Variants in LARGE1 observed in about 807,000 individuals in gnomAD.
LARGE1 encodes xylosyl- and glucuronyltransferase LARGE1.
Under a neutral mutation model 87.6 loss-of-function variants are expected in LARGE1, and 43 were observed. The observed-to-expected ratio is 0.49, with a 90% confidence interval of 0.38 to 0.63. The LOEUF (loss-of-function observed/expected upper bound fraction) is 0.63, where lower values mean the gene tolerates loss of function less well. Ranked by LOEUF, LARGE1 falls within the 30% of genes least tolerant of loss-of-function variation. The pLI is 0.00. For missense variants in LARGE1, 802 were observed against 1,000.2 expected (o/e 0.80, Z 2.67); for synonymous variants, 434 against 394.6 (o/e 1.10, Z -1.18).
chr22:33,621,249 T>C (rs2079741461), intron 4 of LARGE1, among the ~76,000 whole-genome samples: 1 of 152,124 alleles, frequency 6.6e-6, no homozygotes, highest in Non-Finnish European at 1.5e-5. Context: ...TTATAAAAGG[T>C]TTTTCTATTG....
At chr22:33,700,144 A>C (rs2082364133) in intron 2 of LARGE1, among the ~76,000 whole-genome samples, 1 of 152,144 alleles carries the variant, frequency 6.6e-6, no homozygotes. Flanking sequence ...AGTGGTTCTC[A>C]AAGGGTTGTC....
intron 1 of LARGE1, among the ~76,000 whole-genome samples, chr22:33,861,372 C>G (rs1178399817): frequency 6.6e-6 from 1 of 151,998 alleles, no homozygotes; most frequent in Non-Finnish European, 1.5e-5. Context: ...TCCTCACTCC[C>G]ACTCCTCACC....
chr22:33,680,194 A>T lies in LARGE1; in HGVS notation c.107-29526T>A, dbSNP rs2081716265. Among the ~76,000 whole-genome samples the T allele has an allele frequency of 3.3e-5, 5 of 152,294 alleles. 1 individual carries two copies. The South Asian group carries it at 1.0e-3, about 32-fold the overall frequency. ...CTGATGAAGGGCCCTAAGTAATGGC[A>T]GTAAGTGGAGAAGTAAGCGAGATGG... On this transcript the variant is annotated intron_variant, in intron 2 of 14. Transcript: ENST00000397394.
rs566605995 is a variant in LARGE1 at position 33,632,533 on chromosome 22, G to A, written c.409-6207C>T. On this transcript the variant is annotated intron_variant, in intron 3 of 14. Coordinates refer to ENST00000397394, the MANE Select transcript of LARGE1 (RefSeq NM_133642.5). ...GGGGTCTCAGAGGTCAGATTTCCCCGGCTCCTGTCAGGGGCCCAATCACAC... is the reference window on the plus strand; with the variant it reads ...GGGGTCTCAGAGGTCAGATTTCCCCAGCTCCTGTCAGGGGCCCAATCACAC... Among the ~76,000 whole-genome samples, 7 of 124,438 alleles carry A rather than the reference G, an allele frequency of 5.6e-5. No individual in the cohort carries two copies. In the South Asian group the frequency reaches 1.5e-3, roughly 27 times the overall value. 81.6% of individuals were successfully genotyped at this position (124,438 alleles called of 152,430 possible).
intron 2 of LARGE1, among the ~76,000 whole-genome samples, chr22:33,688,039 C>T (rs1025664736): frequency 6.6e-6 from 1 of 152,170 alleles, no homozygotes; most frequent in Non-Finnish European, 1.5e-5. Context: ...TGATGAAACT[C>T]ATCCAAGATA....
chr22:33,550,223 G>T (rs931257961), intron 6 of LARGE1, among the ~76,000 whole-genome samples: 4 of 151,452 alleles, frequency 2.6e-5, no homozygotes, highest in African/African-American at 4.9e-5. Flanking sequence ...GTTGTGGAAG[G>T]TTTAGATTTC....
At chr22:33,722,697 C>T (rs1179412040) in intron 2 of LARGE1, among the ~76,000 whole-genome samples, 1 of 151,930 alleles carries the variant, frequency 6.6e-6, no homozygotes, top group African/African-American at 2.4e-5. Flanking sequence ...AGACCAAAGA[C>T]AGAAAAATAA....
At chr22:33,266,548 G>C (rs983752839) in intron 11 of LARGE1, among the ~76,000 whole-genome samples, 1 of 151,702 alleles carries the variant, frequency 6.6e-6, no homozygotes, top group African/African-American at 2.4e-5. Flanking sequence ...AAACCTCTCT[G>C]AGCTTCCGTT....
At chr22:33,280,058 C>G (rs777519293) in intron 13 of LARGE1, among the ~76,000 whole-genome samples, 1 of 152,086 alleles carries the variant, frequency 6.6e-6, no homozygotes, top group Non-Finnish European at 1.5e-5. Context: ...AAGAGTCTGG[C>G]GCAGTATTGA....
At chr22:33,468,294 A>T (rs1350190463) in intron 6 of LARGE1, among the ~76,000 whole-genome samples, 1 of 152,024 alleles carries the variant, frequency 6.6e-6, no homozygotes, top group Non-Finnish European at 1.5e-5. Flanking sequence ...CTAGGCTGTC[A>T]CTCAAAGTTA....
At chr22:33,301,548 C>A (rs1324905724) in intron 12 of LARGE1, among the ~76,000 whole-genome samples, 3 of 152,272 alleles carry the variant, frequency 2.0e-5, no homozygotes, top group African/African-American at 7.2e-5. Flanking sequence ...TACCTAGTAA[C>A]CTTCCCTGCG....
chr22:33,171,546 T>C (rs1344037842), intron 11 of LARGE1, among the ~76,000 whole-genome samples: 1 of 152,166 alleles, frequency 6.6e-6, no homozygotes, highest in Admixed American at 6.5e-5. Context: ...CTTCCAGACT[T>C]GGTGCCCTGC....
At chr22:33,450,917 A>G (rs1353055544) in intron 6 of LARGE1, among the ~76,000 whole-genome samples, 3 of 152,166 alleles carry the variant, frequency 2.0e-5, no homozygotes, top group African/African-American at 7.2e-5. Context: ...TCACACACAC[A>G]AGAGCCTTCT....
intron 5 of LARGE1, among the ~76,000 whole-genome samples, chr22:33,596,988 C>T (rs968337129): frequency 3.9e-5 from 6 of 152,212 alleles, no homozygotes; most frequent in Non-Finnish European, 8.8e-5. Context: ...CTTCATTTCT[C>T]ATGTTTCTGC....
chr22:33,699,430 TAGA>T (rs1229772969), intron 2 of LARGE1, among the ~76,000 whole-genome samples: 1 of 152,200 alleles, frequency 6.6e-6, no homozygotes, highest in Non-Finnish European at 1.5e-5. Context: ...GCAACATTCC[TAGA>T]AGCAGAGCCA....
rs1260370621 is a variant in LARGE1 at position 33,903,213 on chromosome 22, G to A, written c.-83+16782C>T. 3.3e-5 allele frequency among the ~76,000 whole-genome samples: 5 copies of A among 152,172 alleles called. No homozygotes were observed. In the East Asian group the frequency reaches 7.7e-4, roughly 23 times the overall value. Reference sequence around the variant, plus strand: ...ACTATGACTGATGTCCTAATAACAGGAAGAGATTAGAGCACAGACACACGC... The same window carrying A: ...ACTATGACTGATGTCCTAATAACAGAAAGAGATTAGAGCACAGACACACGC... On this transcript the variant is annotated intron_variant, in intron 1 of 14. Transcript: ENST00000397394.
At chr22:33,672,695 T>C (rs1331492033) in intron 2 of LARGE1, among the ~76,000 whole-genome samples, 1 of 152,232 alleles carries the variant, frequency 6.6e-6, no homozygotes, top group Non-Finnish European at 1.5e-5. Context: ...TCTGTTCTCA[T>C]TGCTGACATG....
At chr22:33,119,054 A>G in the LARGE1 span, among the ~76,000 whole-genome samples, 1 of 152,172 alleles carries the variant, frequency 6.6e-6, no homozygotes, top group African/African-American at 2.4e-5. Context: ...TTTCCTTTGG[A>G]GCAAAAGGGC....
intron 2 of LARGE1, among the ~76,000 whole-genome samples, chr22:33,731,193 C>T (rs530809237): frequency 2.6e-5 from 4 of 151,752 alleles, no homozygotes; most frequent in African/African-American, 7.2e-5. Context: ...TCAGTAGAGA[C>T]GGGGTTTCAC....
Sources: allele counts gnomAD v4.1 joint callset (sites outside exome capture counted in the v4.1 genomes callset), GRCh38; gene constraint gnomAD v4.1.1; transcripts MANE v1.5; gene names NCBI Gene and HGNC (gene_info 2026-07-23, HGNC 2026-07-21).